DMP1: variants seen among roughly 807,000 people sequenced by gnomAD.
DMP1 encodes dentin matrix protein 1.
A neutral mutation model predicts 14.6 loss-of-function variants in DMP1; 20 were observed. The ratio of observed to expected loss-of-function variants is 1.37; its 90% CI spans 0.96 to 1.99. The LOEUF (loss-of-function observed/expected upper bound fraction) is 1.99, where lower values mean the gene tolerates loss of function less well. Among genes scored for constraint, DMP1 ranks in the 30% most tolerant of loss-of-function variants. The pLI, the probability that DMP1 is intolerant of heterozygous loss-of-function variation, is 0.00. For missense variants in DMP1, 567 were observed against 620.5 expected (o/e 0.91, Z 0.92); for synonymous variants, 197 against 215.3 (o/e 0.91, Z 0.75).
chr4:87,657,132 A>G, intron 3 of DMP1, 53 bp downstream of exon 3: 5 of 1,044,852 alleles, frequency 4.8e-6, no homozygotes, highest in Non-Finnish European at 7.4e-6. Flanking sequence ...TATTATGAGT[A>G]TAACCAAATT....
intron 5 of DMP1, among the ~76,000 whole-genome samples, chr4:87,659,861 A>T (rs557357845): frequency 2.6e-5 from 4 of 152,250 alleles, no homozygotes; most frequent in Admixed American, 2.6e-4. Flanking sequence ...AGTGCCTGGG[A>T]GCTTCTATGT....
Position 87,662,586 on chromosome 4 carries a change from A to G in DMP1, c.808A>G (p.Lys270Glu), listed in dbSNP as rs1728937886. The G allele has an allele frequency of 6.2e-7, 1 of 1,613,992 alleles. No homozygotes were observed. Among genetic ancestry groups the G allele is most frequent in the Non-Finnish European group, 8.5e-7 (1 of 1,180,026 alleles). The change falls in exon 6 of 6, where the codon AAG becomes GAG. Residue 270 changes from lysine (K) to glutamate (E), a missense_variant. Lys to Glu is a moderately conservative substitution (Grantham distance 56). Coordinates refer to ENST00000339673, the MANE Select transcript of DMP1 (RefSeq NM_004407.4). The stretch of plus-strand genomic sequence containing the variant: ...GCATCCCAGTAGGAAAATTTTTAGG[A>G]AGTCTCGCATCTCAGAGGAAGATGA... ...LEHPSRKIFR[K>E]SRISEEDDRS...
chr4:87,652,678 C>T (rs540581199), intron 1 of DMP1, among the ~76,000 whole-genome samples: 27 of 152,246 alleles, frequency 1.8e-4, no homozygotes, highest in African/African-American at 2.2e-4. Context: ...GAAAACACAA[C>T]GTTCATTGGT....
rs139838540 is a variant in DMP1 at position 87,660,084 on chromosome 4, T to C, written c.183+606T>C. 6.6e-5 allele frequency among the ~76,000 whole-genome samples: 10 copies of C among 152,312 alleles called. No individual in the cohort carries two copies. In the East Asian group the frequency reaches 1.9e-3, roughly 29 times the overall value. ...TGTTGTTACTTTCTTAGCTATGCTA[T>C]TGTTTTGACCAAACTCAATCCTGTG... is the stretch of plus-strand genomic sequence containing the variant. On this transcript the variant is annotated intron_variant, in intron 5 of 5. Coordinates refer to ENST00000339673, the MANE Select transcript of DMP1 (RefSeq NM_004407.4).
In DMP1 at chr4:87,661,239, T is replaced by A. The variant is rs1459553316; in HGVS notation, c.184-723T>A. ...TTTTTTTTTTTTTTTTTTTTTTTTT[T>A]TGAGACGGAGTCTCGCTGTCGCCCA... On this transcript the variant is annotated intron_variant, in intron 5 of 5. Transcript: ENST00000339673. Among the ~76,000 whole-genome samples, 7 of 115,284 alleles carry A rather than the reference T, an allele frequency of 6.1e-5. No homozygotes were observed. In the East Asian group the frequency reaches 1.9e-3, roughly 32 times the overall value. The allele number at this position is 115,284 out of a possible 152,430, so 75.6% of individuals were successfully genotyped here. A position where few individuals can be genotyped will look rare whatever the true frequency, so the allele number is the denominator to read the frequency against.
chr4:87,661,413 G>A (rs1451289165), intron 5 of DMP1, among the ~76,000 whole-genome samples: 3 of 151,560 alleles, frequency 2.0e-5, no homozygotes, highest in South Asian at 2.1e-4. Flanking sequence ...TAGTAGAGAC[G>A]GGGTTTCACC....
intron 1 of DMP1, among the ~76,000 whole-genome samples, chr4:87,654,163 G>A (rs990451482): frequency 6.6e-6 from 1 of 152,144 alleles, no homozygotes; most frequent in African/African-American, 2.4e-5. Flanking sequence ...ATTAAACTAG[G>A]GGGGTCAGAG....
intron 1 of DMP1, among the ~76,000 whole-genome samples, chr4:87,652,603 T>G (rs1276900333): frequency 1.3e-5 from 2 of 152,186 alleles, no homozygotes; most frequent in Non-Finnish European, 2.9e-5. Flanking sequence ...AGGGCATCTT[T>G]CTTGTGTTTT....
intron 1 of DMP1, among the ~76,000 whole-genome samples, chr4:87,653,369 T>C (rs1432364506): frequency 7.8e-6 from 1 of 127,896 alleles, no homozygotes; most frequent in Non-Finnish European, 1.6e-5. Context: ...ATTCAGCATA[T>C]TCAGGCATTA....
intron 2 of DMP1, 71 bp downstream of exon 2, chr4:87,656,617 G>A: frequency 1.0e-6 from 1 of 981,754 alleles, no homozygotes; most frequent in Non-Finnish European, 1.7e-6. Flanking sequence ...GATTGGCTAT[G>A]AACCAAGATG....
chr4:87,651,981 G>A (rs894879290), intron 1 of DMP1, among the ~76,000 whole-genome samples: 4 of 152,074 alleles, frequency 2.6e-5, no homozygotes, highest in East Asian at 1.9e-4. Flanking sequence ...CTTAAGAGCC[G>A]AAAGAAGTTT....
intron 1 of DMP1, among the ~76,000 whole-genome samples, chr4:87,651,980 C>T (rs575028350): frequency 1.3e-4 from 20 of 152,140 alleles, no homozygotes; most frequent in South Asian, 4.1e-4. Flanking sequence ...ACTTAAGAGC[C>T]GAAAGAAGTT....
chr4:87,653,433 A>ATATATATAT (rs1728591493), intron 1 of DMP1, among the ~76,000 whole-genome samples: 37 of 72,398 alleles, frequency 5.1e-4, no homozygotes, highest in Non-Finnish European at 7.8e-4. Context: ...ATATATATAT[A>ATATATATAT]CTTTTTTTTT....
At chr4:87,656,963 T>G (rs1033136682) in intron 2 of DMP1, 69 bp from the exon 3 acceptor site, 6 of 972,896 alleles carry the variant, frequency 6.2e-6, no homozygotes, top group Middle Eastern at 2.1e-4. Flanking sequence ...CTCCTATGTA[T>G]GAAATGTGTT....
intron 1 of DMP1, among the ~76,000 whole-genome samples, chr4:87,653,404 TATA>T (rs1244461132): frequency 9.9e-6 from 1 of 101,076 alleles, no homozygotes; most frequent in Non-Finnish European, 2.1e-5. Flanking sequence ...TATATATATA[TATA>T]TATATATATA....
intron 2 of DMP1, 59 bp downstream of exon 2, chr4:87,656,605 T>C: frequency 8.7e-7 from 1 of 1,144,720 alleles, no homozygotes; most frequent in Non-Finnish European, 1.3e-6. Context: ...CTCCACAATT[T>C]TGATTGGCTA....
intron 1 of DMP1, among the ~76,000 whole-genome samples, chr4:87,654,045 G>T (rs1728611344): frequency 6.6e-6 from 1 of 152,144 alleles, no homozygotes; most frequent in Admixed American, 6.5e-5. Flanking sequence ...ACCAAGTGGG[G>T]TGGCCCAGCA....
chr4:87,655,043 G>A lies in DMP1; in HGVS notation c.-21-1429G>A, dbSNP rs545056372. ...CTTTTTAAGAACAAAATGGGAGGCA[G>A]GTTTGAGTGACCCAGTTCCTAGGTT... is the stretch of plus-strand genomic sequence containing the variant. On this transcript the variant is annotated intron_variant, in intron 1 of 5. Coordinates refer to ENST00000339673, the MANE Select transcript of DMP1 (RefSeq NM_004407.4). Among the ~76,000 whole-genome samples the A allele has an allele frequency of 4.6e-5, 7 of 152,270 alleles. 1 individual carries two copies. The South Asian group carries it at 1.5e-3, about 32-fold the overall frequency.
rs1211322973 is a variant in DMP1 at position 87,662,888 on chromosome 4, C to T, written c.1110C>T (p.Pro370=). Residue 370 remains proline (P), a synonymous_variant, in exon 6 of 6, where the codon CCC becomes CCT. Coordinates refer to ENST00000339673, the MANE Select transcript of DMP1 (RefSeq NM_004407.4). ...AGTCCAGGGGAGATAACCCCGACCC[C>T]ACAACTAGTTATGTAGAAGACCAGG... The part of the protein sequence containing the change: ...VSESRGDNPD[P]TTSYVEDQED... 2 of 1,614,168 alleles carry T rather than the reference C, an allele frequency of 1.2e-6. No homozygotes were observed. Among genetic ancestry groups the T allele is most frequent in the South Asian group, 2.2e-5 (2 of 91,080 alleles).
Sources: gnomAD v4.1 joint callset for allele counts (sites outside exome capture counted in the v4.1 genomes callset) on GRCh38, gnomAD v4.1.1 for gene constraint, MANE v1.5 for transcripts, NCBI Gene and HGNC (gene_info 2026-07-23, HGNC 2026-07-21) for gene names.